MMP26: variants seen among roughly 807,000 people sequenced by gnomAD.
MMP26 encodes the protein matrix metalloproteinase-26.
In MMP26, 33 loss-of-function variants were observed where a neutral mutation model predicts 31.0. The observed-to-expected ratio is 1.06, with a 90% confidence interval of 0.81 to 1.42. The LOEUF is 1.42. Among genes scored for constraint, MMP26 ranks in the 40% most tolerant of loss-of-function variants. The pLI, the probability that MMP26 is intolerant of heterozygous loss-of-function variation, is 0.00. For synonymous variants in MMP26, 122 were observed against 114.9 expected (o/e 1.06, Z -0.40); for missense variants, 347 against 316.1 (o/e 1.10, Z -0.74).
chr11:4,819,953 C>T (rs1001900909), intron 2 of MMP26, among the ~76,000 whole-genome samples: 3 of 152,038 alleles, frequency 2.0e-5, no homozygotes, highest in Admixed American at 2.0e-4. Context: ...ATTTTCTTGG[C>T]CCTTTGCATA....
rs181902780 is a variant in MMP26 at position 4,723,825 on chromosome 11, G to C, written c.-217+18780G>C. The C allele has an allele frequency of 2.6e-6, 4 of 1,557,240 alleles. No homozygotes were observed. The East Asian group carries it at 9.0e-5, about 35-fold the overall frequency. Reference sequence around the variant, plus strand: ...GGCTCCACTTGGTCTCCAGCATCTTGTTATGCTGCTCCAGGAACCGTACCT... The same window carrying C: ...GGCTCCACTTGGTCTCCAGCATCTTCTTATGCTGCTCCAGGAACCGTACCT... On this transcript the variant is annotated intron_variant, in intron 1 of 7. Transcript: ENST00000380390.
At chr11:4,880,654 A>C (rs1024512250) in intron 2 of MMP26, among the ~76,000 whole-genome samples, 1 of 152,150 alleles carries the variant, frequency 6.6e-6, no homozygotes, top group Non-Finnish European at 1.5e-5. Flanking sequence ...ACTTTCAAGA[A>C]TCTCAAACTT....
chr11:4,802,368 T>C (rs1849195161), intron 2 of MMP26, among the ~76,000 whole-genome samples: 2 of 152,208 alleles, frequency 1.3e-5, no homozygotes, highest in African/African-American at 4.8e-5. Flanking sequence ...TACAAATATT[T>C]TATTTTTCAT....
intron 1 of MMP26, chr11:4,722,802 AC>A: frequency 1.0e-6 from 1 of 979,964 alleles, no homozygotes; most frequent in Non-Finnish European, 1.6e-6. Context: ...ATTCTTCACA[AC>A]CACGGCCCTG....
chr11:4,714,112 G>A (rs77667863), intron 1 of MMP26, among the ~76,000 whole-genome samples: 1,837 of 152,266 alleles, frequency 0.012, 21 homozygotes, highest in Non-Finnish European at 0.02. Flanking sequence ...AGGCAGGAAA[G>A]AACACATCCT....
At chr11:4,734,087 T>C (rs565936753) in intron 1 of MMP26, among the ~76,000 whole-genome samples, 2 of 152,306 alleles carry the variant, frequency 1.3e-5, no homozygotes, top group South Asian at 4.1e-4. Context: ...ATTGATGATG[T>C]TTTCATCTAT....
intron 2 of MMP26, among the ~76,000 whole-genome samples, chr11:4,888,549 A>G (rs1850574486): frequency 6.6e-6 from 1 of 152,126 alleles, no homozygotes; most frequent in Admixed American, 6.6e-5. Flanking sequence ...AAAATGCTGT[A>G]TTTTGAAAAA....
chr11:4,734,101 C>T (rs1178438769), intron 1 of MMP26, among the ~76,000 whole-genome samples: 1 of 152,118 alleles, frequency 6.6e-6, no homozygotes, highest in Non-Finnish European at 1.5e-5. Context: ...CATCTATATT[C>T]ACAAGAAATC....
intron 2 of MMP26, among the ~76,000 whole-genome samples, chr11:4,816,401 G>A (rs1839174491): frequency 6.6e-6 from 1 of 151,616 alleles, no homozygotes. Flanking sequence ...TAAATCCAAG[G>A]TTTCTTTATT....
At chr11:4,880,198 T>G (rs2133535953) in intron 2 of MMP26, among the ~76,000 whole-genome samples, 1 of 152,218 alleles carries the variant, frequency 6.6e-6, no homozygotes, top group Non-Finnish European at 1.5e-5. Flanking sequence ...AGGCTGCCTA[T>G]AAAGCCCTCG....
intron 2 of MMP26, chr11:4,787,426 CACTCTGTACTAA>C (rs1848963271): frequency 6.6e-6 from 1 of 152,190 alleles, no homozygotes; most frequent in Admixed American, 6.5e-5. Context: ...CCTGATAATC[CACTCTGTACTAA>C]ACATCATCTC....
chr11:4,984,611 G>A (rs958036495), intron 2 of MMP26, among the ~76,000 whole-genome samples: 11 of 152,086 alleles, frequency 7.2e-5, no homozygotes, highest in Non-Finnish European at 8.8e-5. Context: ...GCAACTTGAC[G>A]TCGCTGTCAT....
chr11:4,946,283 A>T, intron 2 of MMP26: 3 of 1,614,000 alleles, frequency 1.9e-6, no homozygotes, highest in Non-Finnish European at 2.5e-6. Context: ...GAGAACATTA[A>T]TGAGGGGAGA....
intron 2 of MMP26, chr11:4,907,193 G>C (rs1490661957): frequency 1.8e-4 from 92 of 516,532 alleles, no homozygotes; most frequent in Admixed American, 6.4e-5. Context: ...ATATGAACTT[G>C]TTTAAGGACT....
At chr11:4,836,457 A>C (rs139684024) in intron 2 of MMP26, among the ~76,000 whole-genome samples, 1 of 150,596 alleles carries the variant, frequency 6.6e-6, no homozygotes, top group African/African-American at 2.4e-5. Context: ...ATAATTTATA[A>C]TATGATATGC....
intron 2 of MMP26, among the ~76,000 whole-genome samples, chr11:4,859,054 C>A (rs1850103036): frequency 6.6e-6 from 1 of 152,166 alleles, no homozygotes; most frequent in Non-Finnish European, 1.5e-5. Flanking sequence ...CTCCTTACAC[C>A]TTATGCAAAA....
intron 2 of MMP26, among the ~76,000 whole-genome samples, chr11:4,799,052 A>C (rs5005346): frequency 6.6e-6 from 1 of 152,146 alleles, no homozygotes; most frequent in South Asian, 2.1e-4. Flanking sequence ...TGAGGGAAGA[A>C]AGGCACCGTG....
intron 2 of MMP26, among the ~76,000 whole-genome samples, chr11:4,776,973 G>A (rs1256929629): frequency 6.6e-6 from 1 of 152,072 alleles, no homozygotes; most frequent in East Asian, 1.9e-4. Context: ...TGTATACTAT[G>A]CTTACCACAC....
At chr11:4,847,684 C>CT (rs1195897494) in intron 2 of MMP26, 1 of 152,124 alleles carries the variant, frequency 6.6e-6, no homozygotes, top group Non-Finnish European at 1.5e-5. Flanking sequence ...TATATTCCCT[C>CT]TTTTTTTCCT....
Sources: allele counts gnomAD v4.1 joint callset (sites outside exome capture counted in the v4.1 genomes callset), GRCh38; gene constraint gnomAD v4.1.1; transcripts MANE v1.5; gene names NCBI Gene and HGNC (gene_info 2026-07-23, HGNC 2026-07-21).